Variants in IFT74 observed in about 807,000 individuals in gnomAD.
IFT74 encodes the protein intraflagellar transport protein 74 homolog.
Under a neutral mutation model 96.7 loss-of-function variants are expected in IFT74, and 92 were observed. The observed-to-expected ratio is 0.95, with a 90% CI of 0.80 to 1.13. The LOEUF (loss-of-function observed/expected upper bound fraction) is 1.13, where lower values mean the gene tolerates loss of function less well. IFT74 is among the 50% of genes most tolerant of loss of function. The pLI is 0.00. For missense variants in IFT74, 811 were observed against 698.2 expected (o/e 1.16, Z -1.82); for synonymous variants, 223 against 213.2 (o/e 1.05, Z -0.40).
chr9:27,008,244 A>G (rs532404912), intron 8 of IFT74, among the ~76,000 whole-genome samples: 2 of 152,310 alleles, frequency 1.3e-5, no homozygotes, highest in South Asian at 2.1e-4. Context: ...TCTACTCCCT[A>G]GTTCTGTCAG....
At chr9:26,976,874 G>C (rs995499601) in intron 2 of IFT74, 2 of 436,014 alleles carry the variant, frequency 4.6e-6, no homozygotes, top group South Asian at 1.7e-5. Flanking sequence ...CTGAAGTAGA[G>C]AATCTTGTTG....
At chr9:26,976,163 C>T (rs1827115799) in intron 2 of IFT74, among the ~76,000 whole-genome samples, 2 of 152,110 alleles carry the variant, frequency 1.3e-5, no homozygotes, top group Non-Finnish European at 2.9e-5. Flanking sequence ...TCTCAGTCTC[C>T]CATCCCTGAG....
chr9:26,990,676 A>G (rs915469070), intron 8 of IFT74, among the ~76,000 whole-genome samples: 3 of 152,242 alleles, frequency 2.0e-5, no homozygotes, highest in African/African-American at 7.2e-5. Context: ...AAGACTAAAT[A>G]CCAACTAACG....
chr9:26,961,122 G>A (rs912095611), intron 1 of IFT74, among the ~76,000 whole-genome samples: 3 of 142,242 alleles, frequency 2.1e-5, no homozygotes, highest in South Asian at 2.3e-4. Context: ...ATGGAGTCTC[G>A]CTGTGTCGCC....
At chr9:27,022,663 G>C (rs996523230) in intron 12 of IFT74, among the ~76,000 whole-genome samples, 5 of 142,604 alleles carry the variant, frequency 3.5e-5, no homozygotes, top group African/African-American at 1.0e-4. Context: ...TTTTTTTTGA[G>C]ACAGCGTCTT....
At chr9:26,976,538 C>T in intron 2 of IFT74, 1 of 321,126 alleles carries the variant, frequency 3.1e-6, no homozygotes, top group South Asian at 2.7e-5. Flanking sequence ...AAGGTGGGCG[C>T]ATGATGGGAG....
chr9:27,041,726 TTA>T (rs1819488146), intron 13 of IFT74, among the ~76,000 whole-genome samples: 1 of 152,164 alleles, frequency 6.6e-6, no homozygotes, highest in Non-Finnish European at 1.5e-5. Context: ...CTAAAAACCA[TTA>T]TGTTTTACCC....
At chr9:27,021,567 A>G (rs999694251) in intron 12 of IFT74, among the ~76,000 whole-genome samples, 3 of 152,038 alleles carry the variant, frequency 2.0e-5, no homozygotes, top group African/African-American at 7.3e-5. Context: ...TTTGATTTGC[A>G]TTTCCCTGAT....
At chr9:27,004,941 G>A (rs1176496056) in intron 8 of IFT74, among the ~76,000 whole-genome samples, 2 of 152,062 alleles carry the variant, frequency 1.3e-5, no homozygotes, top group Non-Finnish European at 2.9e-5. Flanking sequence ...TGTTTCTTAA[G>A]TTATTTACTT....
intron 10 of IFT74, among the ~76,000 whole-genome samples, chr9:27,014,072 G>C (rs557332845): frequency 6.6e-6 from 1 of 152,002 alleles, no homozygotes; most frequent in East Asian, 1.9e-4. Flanking sequence ...AAAATTAGTC[G>C]GGCATGGTGG....
At chr9:27,010,000 T>TC (rs1438121691) in intron 9 of IFT74, among the ~76,000 whole-genome samples, 1 of 151,946 alleles carries the variant, frequency 6.6e-6, no homozygotes, top group East Asian at 1.9e-4. Context: ...AAAAAAAATT[T>TC]TTTTTTTGAG....
At chr9:26,963,873 A>T (rs1054729520) in intron 2 of IFT74, among the ~76,000 whole-genome samples, 1 of 152,210 alleles carries the variant, frequency 6.6e-6, no homozygotes, top group African/African-American at 2.4e-5. Context: ...GCCCTTTGTC[A>T]GATGAGTAGG....
At chr9:27,023,352 AG>A (rs1829705736) in intron 12 of IFT74, among the ~76,000 whole-genome samples, 1 of 152,052 alleles carries the variant, frequency 6.6e-6, no homozygotes, top group African/African-American at 2.4e-5. Flanking sequence ...GATTTTGCTG[AG>A]GGTTTTAATC....
At chr9:27,059,044 G>C (rs1437359042) in intron 18 of IFT74, among the ~76,000 whole-genome samples, 1 of 151,894 alleles carries the variant, frequency 6.6e-6, no homozygotes, top group Non-Finnish European at 1.5e-5. Flanking sequence ...TCACTGAATA[G>C]ATGATTTAAG....
At chr9:27,017,999 A>G (rs1829426761) in intron 11 of IFT74, among the ~76,000 whole-genome samples, 1 of 152,202 alleles carries the variant, frequency 6.6e-6, no homozygotes, top group African/African-American at 2.4e-5. Context: ...TTCAGGGACT[A>G]TTTAATTATT....
chr9:27,034,226 A>G (rs149131143), intron 13 of IFT74, among the ~76,000 whole-genome samples: 1 of 152,352 alleles, frequency 6.6e-6, no homozygotes, highest in Admixed American at 6.5e-5. Flanking sequence ...ATACCATAAT[A>G]CATATAAATA....
chr9:27,039,502 G>T (rs548643126), intron 13 of IFT74, among the ~76,000 whole-genome samples: 1 of 152,212 alleles, frequency 6.6e-6, no homozygotes, highest in Non-Finnish European at 1.5e-5. Flanking sequence ...CTTGAAATCA[G>T]CCTGGACAAC....
At chr9:26,990,969 C>T (rs370686119) in intron 8 of IFT74, among the ~76,000 whole-genome samples, 9 of 152,196 alleles carry the variant, frequency 5.9e-5, no homozygotes, top group Admixed American at 3.9e-4. Context: ...AACACAAACA[C>T]AATGAGCTAT....
At chr9:26,998,212 A>AT (rs575764239) in intron 8 of IFT74, 5 of 1,500,774 alleles carry the variant, frequency 3.3e-6, no homozygotes, top group African/African-American at 1.4e-5. Flanking sequence ...TCAAGGTATA[A>AT]TTTTTTTCAG....
Sources: gnomAD v4.1 joint callset for allele counts (sites outside exome capture counted in the v4.1 genomes callset) on GRCh38, gnomAD v4.1.1 for gene constraint, MANE v1.5 for transcripts, NCBI Gene and HGNC (gene_info 2026-07-23, HGNC 2026-07-21) for gene names.